Variants in SHISAL1 observed in about 807,000 individuals in gnomAD.
The protein encoded by SHISAL1 is protein shisa-like-1.
SHISAL1 carries 9 observed loss-of-function variants against 22.6 expected under a neutral mutation model. That is an observed-to-expected ratio of 0.40 (90% CI 0.24 to 0.70). The LOEUF (loss-of-function observed/expected upper bound fraction) is 0.70, where lower values mean the gene tolerates loss of function less well. Ranked by LOEUF, SHISAL1 falls within the 30% of genes least tolerant of loss-of-function variation. SHISAL1 has a pLI of 0.39. For missense variants in SHISAL1, 246 were observed against 270.6 expected (o/e 0.91, Z 0.64); for synonymous variants, 119 against 115.4 (o/e 1.03, Z -0.20).
intron 4 of SHISAL1, among the ~76,000 whole-genome samples, chr22:44,274,003 A>G (rs2055221766): frequency 6.6e-6 from 1 of 152,130 alleles, no homozygotes; most frequent in Non-Finnish European, 1.5e-5. Flanking sequence ...GGATTGCTTG[A>G]GGTCAGGAGT....
the SHISAL1 span, among the ~76,000 whole-genome samples, chr22:44,318,162 G>A: frequency 6.6e-6 from 1 of 152,252 alleles, no homozygotes; most frequent in Non-Finnish European, 1.5e-5. Context: ...CCTCTCTGCA[G>A]GCCCGATGCC....
intron 4 of SHISAL1, among the ~76,000 whole-genome samples, chr22:44,268,495 G>A (rs566410978): frequency 3.0e-4 from 45 of 152,272 alleles, no homozygotes; most frequent in African/African-American, 1.0e-3. Flanking sequence ...GGAGGGACAC[G>A]GCCTGCCTGA....
chr22:44,286,292 C>G (rs551684052), intron 3 of SHISAL1, among the ~76,000 whole-genome samples: 9 of 152,206 alleles, frequency 5.9e-5, no homozygotes, highest in Non-Finnish European at 1.3e-4. Context: ...CCCCAGGGGT[C>G]CCCTTCACTC....
rs1491154287 is a variant in SHISAL1 at position 44,253,425 on chromosome 22, A to ATT, written c.*-3741_*-3740insAA. On this transcript the variant is annotated intron_variant, in intron 4 of 4. Coordinates refer to ENST00000381176, the MANE Select transcript of SHISAL1 (RefSeq NM_001099294.2). ...AAGCAGAGTATGCTAGTATTAGTGC[A>ATT]TGTTTTTTTTTTTTTTTTTTTTTGA... 1.1e-3 allele frequency among the ~76,000 whole-genome samples: 120 copies of ATT among 107,854 alleles called. 26 individuals are homozygous for ATT. Among genetic ancestry groups the ATT allele is most frequent in the African/African-American group, 1.1e-3 (35 of 31,070 alleles). The allele number at this position is 107,854 out of a possible 152,430, so 70.8% of individuals were successfully genotyped here. A position where few individuals can be genotyped will look rare whatever the true frequency, so the allele number is the denominator to read the frequency against.
intron 2 of SHISAL1, among the ~76,000 whole-genome samples, chr22:44,298,894 A>G (rs1262158661): frequency 6.6e-6 from 1 of 152,206 alleles, no homozygotes; most frequent in Non-Finnish European, 1.5e-5. Flanking sequence ...GTAACGATGA[A>G]GCCTCCCCGG....
the SHISAL1 span, among the ~76,000 whole-genome samples, chr22:44,323,265 C>A: frequency 2.1e-5 from 2 of 93,608 alleles, no homozygotes; most frequent in African/African-American, 1.0e-4. Flanking sequence ...CATCCACCAT[C>A]CATCCATCCA....
chr22:44,276,080 C>CA (rs2055237761), intron 4 of SHISAL1, among the ~76,000 whole-genome samples: 1 of 152,182 alleles, frequency 6.6e-6, no homozygotes, highest in South Asian at 2.1e-4. Flanking sequence ...AGCCACAAAG[C>CA]AAACGTGATG....
intron 4 of SHISAL1, among the ~76,000 whole-genome samples, chr22:44,262,231 G>A (rs868046930): frequency 3.3e-5 from 5 of 152,208 alleles, no homozygotes; most frequent in African/African-American, 4.8e-5. Context: ...CCAGGCGGAC[G>A]GAACAGCCTC....
intron 4 of SHISAL1, among the ~76,000 whole-genome samples, chr22:44,278,443 A>T (rs957134317): frequency 6.6e-6 from 1 of 152,232 alleles, no homozygotes; most frequent in Non-Finnish European, 1.5e-5. Context: ...TCCAGCAAGC[A>T]GGGGCACCTT....
intron 4 of SHISAL1, among the ~76,000 whole-genome samples, chr22:44,257,419 T>A (rs1187128070): frequency 6.6e-6 from 1 of 152,154 alleles, no homozygotes; most frequent in Non-Finnish European, 1.5e-5. Flanking sequence ...GTGCTTTCCT[T>A]CCCTGGGCAT....
In SHISAL1 at chr22:44,244,516, C is replaced by G. The variant is rs1160936331; in HGVS notation, c.*5169G>C. On this transcript the variant is annotated 3_prime_UTR_variant, in exon 5 of 5. Coordinates refer to ENST00000381176, the MANE Select transcript of SHISAL1 (RefSeq NM_001099294.2). The stretch of plus-strand genomic sequence containing the variant: ...TTTTAGGTACAGAGTAACTAACAGT[C>G]AAATCTGCTCATTCATCAAGCATCT... The G allele has an allele frequency of 6.6e-6, 1 of 152,174 alleles. No individual in the cohort carries two copies. Among genetic ancestry groups the G allele is most frequent in the African/African-American group, 2.4e-5 (1 of 41,446 alleles). The allele number at this position is 152,174 out of a possible 1,614,324, so 9.4% of individuals were successfully genotyped here. A position where few individuals can be genotyped will look rare whatever the true frequency, so the allele number is the denominator to read the frequency against.
intron 4 of SHISAL1, among the ~76,000 whole-genome samples, chr22:44,285,102 C>T (rs747407171): frequency 4.6e-5 from 7 of 152,208 alleles, no homozygotes; most frequent in Non-Finnish European, 7.3e-5. Context: ...AAAAGCCATC[C>T]GGTTTTCCCC....
At chr22:44,309,490 C>T (rs1411818235) in intron 1 of SHISAL1, among the ~76,000 whole-genome samples, 2 of 152,162 alleles carry the variant, frequency 1.3e-5, no homozygotes, top group Non-Finnish European at 2.9e-5. Flanking sequence ...GTGCCCAATG[C>T]TCCCCATTCC....
At chr22:44,253,115 A>T (rs1442412907) in intron 4 of SHISAL1, among the ~76,000 whole-genome samples, 1 of 152,250 alleles carries the variant, frequency 6.6e-6, no homozygotes. Flanking sequence ...TGTATACTTT[A>T]AAAATGGTTA....
chr22:44,297,442 G>A (rs2055395040), intron 2 of SHISAL1, among the ~76,000 whole-genome samples: 1 of 152,242 alleles, frequency 6.6e-6, no homozygotes, highest in South Asian at 2.1e-4. Context: ...CCCGGGTGGT[G>A]GCTGGCATAG....
intron 1 of SHISAL1, among the ~76,000 whole-genome samples, chr22:44,302,616 CA>C (rs1403293187): frequency 6.6e-6 from 1 of 151,916 alleles, no homozygotes; most frequent in Non-Finnish European, 1.5e-5. Context: ...GGAGGGATAG[CA>C]GGGGCAAAGG....
intron 4 of SHISAL1, among the ~76,000 whole-genome samples, chr22:44,258,286 G>C (rs1456779111): frequency 3.3e-5 from 5 of 151,976 alleles, no homozygotes; most frequent in African/African-American, 1.2e-4. Context: ...CAGCCTGGGT[G>C]GCAGAGCGAG....
chr22:44,313,735 G>A (rs541101511), upstream of SHISAL1, among the ~76,000 whole-genome samples: 28 of 152,348 alleles, frequency 1.8e-4, no homozygotes, highest in African/African-American at 6.0e-4. Context: ...GTACCTTGGC[G>A]GCGCCCTTGG....
intron 4 of SHISAL1, among the ~76,000 whole-genome samples, chr22:44,261,147 A>C (rs2055121355): frequency 7.8e-6 from 1 of 128,704 alleles, no homozygotes; most frequent in African/African-American, 2.9e-5. Flanking sequence ...AAAATCAATG[A>C]CTTTTAAAAA....
Sources: gnomAD v4.1 joint callset for allele counts (sites outside exome capture counted in the v4.1 genomes callset) on GRCh38, gnomAD v4.1.1 for gene constraint, MANE v1.5 for transcripts, NCBI Gene and HGNC (gene_info 2026-07-23, HGNC 2026-07-21) for gene names.